The following FAR2 variants were observed in gnomAD, a reference collection of about 807,000 sequenced individuals.
FAR2 encodes fatty acyl-CoA reductase 2, also known as epididymis secretory protein Li 81.
In FAR2, 19 loss-of-function variants were observed where a neutral mutation model predicts 56.0. The ratio of observed to expected loss-of-function variants is 0.34; its 90% CI spans 0.24 to 0.50. FAR2 has a LOEUF of 0.50. FAR2 is among the 20% of genes least tolerant of loss of function. The probability of loss-of-function intolerance (pLI) is 0.98; values close to 1 mark genes in which losing one functional copy is unlikely to be tolerated. For synonymous variants in FAR2, 219 were observed against 218.8 expected, an observed-to-expected ratio of 1.00 and a Z score of -0.01; for missense variants, 508 against 642.2, an observed-to-expected ratio of 0.79 and a Z score of 2.26.
chr12:29,278,468 T>C (rs1196200026), intron 2 of FAR2, among the ~76,000 whole-genome samples: 1 of 151,904 alleles, frequency 6.6e-6, no homozygotes, highest in Non-Finnish European at 1.5e-5. Context: ...GCCTCCCAAG[T>C]AGCTGGGACC....
intron 2 of FAR2, among the ~76,000 whole-genome samples, chr12:29,271,126 G>A (rs965802675): frequency 1.3e-5 from 2 of 151,988 alleles, no homozygotes; most frequent in Non-Finnish European, 2.9e-5. Context: ...TTTATTTATG[G>A]GAACTTTTGA....
At chr12:29,291,974 G>A (rs974311782) in intron 2 of FAR2, among the ~76,000 whole-genome samples, 2 of 152,114 alleles carry the variant, frequency 1.3e-5, no homozygotes, top group Non-Finnish European at 2.9e-5. Context: ...TTAAAAAATT[G>A]TACTATGTTC....
chr12:29,330,872 A>G (rs2136829572), intron 10 of FAR2, among the ~76,000 whole-genome samples: 1 of 152,320 alleles, frequency 6.6e-6, no homozygotes, highest in Middle Eastern at 3.4e-3. Context: ...AAAGGAAACT[A>G]AGAGTTTACT....
At chr12:29,155,812 CA>C (rs1481438523) in intron 1 of FAR2, among the ~76,000 whole-genome samples, 3 of 152,158 alleles carry the variant, frequency 2.0e-5, no homozygotes, top group African/African-American at 7.2e-5. Flanking sequence ...TGGTCCTTTA[CA>C]GAAAATGTTT....
At chr12:29,315,803 G>T (rs1268189666) in intron 8 of FAR2, among the ~76,000 whole-genome samples, 2 of 152,176 alleles carry the variant, frequency 1.3e-5, no homozygotes, top group East Asian at 3.8e-4. Flanking sequence ...TATGCATTGG[G>T]AAGGGGGTGG....
intron 1 of FAR2, among the ~76,000 whole-genome samples, chr12:29,265,710 C>T (rs1948504048): frequency 6.6e-6 from 1 of 152,038 alleles, no homozygotes; most frequent in African/African-American, 2.4e-5. Flanking sequence ...AGGAAACAAA[C>T]AACAAAGTAA....
chr12:29,261,116 C>G (rs1421415620), intron 1 of FAR2, among the ~76,000 whole-genome samples: 1 of 152,204 alleles, frequency 6.6e-6, no homozygotes, highest in Middle Eastern at 3.2e-3. Flanking sequence ...CCACAAGCAT[C>G]AAGACCACCC....
At position 29,270,119 on chromosome 12, in the gene FAR2, C is replaced by G. The variant is rs12823422; in HGVS notation, c.-38-293C>G. ...TTAGCACTTACTATATTGTATTTAACAGTCTCTTTATTGTCTGCCTCCTCC... is the reference window on the plus strand; with the variant it reads ...TTAGCACTTACTATATTGTATTTAAGAGTCTCTTTATTGTCTGCCTCCTCC... On this transcript the variant is annotated intron_variant, in intron 1 of 11. Coordinates refer to ENST00000536681, the MANE Select transcript of FAR2 (RefSeq NM_001271783.2). Among the ~76,000 whole-genome samples, 20,746 of 152,232 alleles carry G rather than the reference C, an allele frequency of 0.14. 1,545 individuals carry two copies. Among genetic ancestry groups the G allele is most frequent in the Middle Eastern group, 0.27 (80 of 292 alleles).
chr12:29,183,363 A>G (rs1022166189), intron 1 of FAR2, among the ~76,000 whole-genome samples: 1 of 152,100 alleles, frequency 6.6e-6, no homozygotes, highest in Non-Finnish European at 1.5e-5. Context: ...ATGACTCACA[A>G]ACATAATCTC....
chr12:29,174,050 GT>G (rs1408705001), intron 1 of FAR2, among the ~76,000 whole-genome samples: 1 of 152,138 alleles, frequency 6.6e-6, no homozygotes, highest in Non-Finnish European at 1.5e-5. Flanking sequence ...CTTTACCCCT[GT>G]CCTGTAAAGA....
At chr12:29,167,683 G>T (rs1451216534) in intron 1 of FAR2, among the ~76,000 whole-genome samples, 1 of 152,176 alleles carries the variant, frequency 6.6e-6, no homozygotes, top group African/African-American at 2.4e-5. Context: ...TTCTGATTAA[G>T]TAATGCCTCC....
chr12:29,312,128 CAAAG>C (rs1380134730), intron 8 of FAR2, among the ~76,000 whole-genome samples, 178 bp downstream of exon 8: 3 of 151,882 alleles, frequency 2.0e-5, no homozygotes, highest in African/African-American at 7.3e-5. Flanking sequence ...CTGTGGTTAC[CAAAG>C]AAAGGAGTCA....
At chr12:29,241,869 G>A (rs987014231) in intron 1 of FAR2, among the ~76,000 whole-genome samples, 2 of 152,196 alleles carry the variant, frequency 1.3e-5, no homozygotes, top group Admixed American at 6.5e-5. Flanking sequence ...TTGCTGATGG[G>A]TGTAGCACCC....
At chr12:29,150,151 A>G (rs1949670997) in intron 1 of FAR2, among the ~76,000 whole-genome samples, 1 of 152,136 alleles carries the variant, frequency 6.6e-6, no homozygotes, top group South Asian at 2.1e-4. Context: ...GGCTTGCAGG[A>G]AGGCTGCTCA....
At chr12:29,193,178 C>T (rs977025579) in intron 1 of FAR2, among the ~76,000 whole-genome samples, 1 of 152,122 alleles carries the variant, frequency 6.6e-6, no homozygotes, top group Non-Finnish European at 1.5e-5. Context: ...CATGCACAGC[C>T]TCCCCATTAT....
intron 1 of FAR2, among the ~76,000 whole-genome samples, chr12:29,253,212 T>G (rs12829518): frequency 0.22 from 14,349 of 64,870 alleles, 2,333 homozygotes; most frequent in East Asian, 0.34. Context: ...GATAGGTATC[T>G]ATATATCGAT....
chr12:29,282,777 T>G (rs1410750539), intron 2 of FAR2, among the ~76,000 whole-genome samples: 1 of 152,152 alleles, frequency 6.6e-6, no homozygotes, highest in Non-Finnish European at 1.5e-5. Flanking sequence ...ACTTCCAGTT[T>G]CCCTGCTGTC....
At chr12:29,198,966 G>A (rs1947370082) in intron 1 of FAR2, among the ~76,000 whole-genome samples, 1 of 152,080 alleles carries the variant, frequency 6.6e-6, no homozygotes, top group African/African-American at 2.4e-5. Flanking sequence ...GAGATACAAA[G>A]ATAAAAATCA....
At chr12:29,225,643 G>T (rs990550188) in intron 1 of FAR2, among the ~76,000 whole-genome samples, 5 of 152,132 alleles carry the variant, frequency 3.3e-5, no homozygotes, top group African/African-American at 1.2e-4. Flanking sequence ...ATAGAACCTA[G>T]CCTTTCCGCT....
Sources: gnomAD v4.1 joint callset for allele counts (sites outside exome capture counted in the v4.1 genomes callset) on GRCh38, gnomAD v4.1.1 for gene constraint, MANE v1.5 for transcripts, NCBI Gene and HGNC (gene_info 2026-07-23, HGNC 2026-07-21) for gene names.